SEC14L5: variants seen among roughly 807,000 people sequenced by gnomAD.
The protein encoded by SEC14L5 is SEC14 like lipid binding 5.
Under a neutral mutation model 84.6 loss-of-function variants are expected in SEC14L5, and 96 were observed. The ratio of observed to expected loss-of-function variants is 1.13; its 90% confidence interval spans 0.96 to 1.34. SEC14L5 has a LOEUF of 1.34. Among genes scored for constraint, SEC14L5 ranks in the 40% most tolerant of loss-of-function variants. SEC14L5 has a pLI of 0.00. For synonymous variants in SEC14L5, 546 were observed against 383.4 expected (o/e 1.42, Z -4.95); for missense variants, 1,224 against 942.5 (o/e 1.30, Z -3.91).
At chr16:4,959,110 T>C (rs1294823186) in intron 1 of SEC14L5, 163 bp from the exon 2 acceptor site, 1 of 590,930 alleles carries the variant, frequency 1.7e-6, no homozygotes, top group African/African-American at 1.9e-5. Context: ...AGGGAAGCTG[T>C]TGGGGCTTGG....
chr16:4,968,406 C>T (rs1161065079), intron 2 of SEC14L5, among the ~76,000 whole-genome samples: 3 of 152,138 alleles, frequency 2.0e-5, no homozygotes, highest in South Asian at 2.1e-4. Flanking sequence ...CTCGAACTCC[C>T]GACCTCAGGT....
intron 2 of SEC14L5, among the ~76,000 whole-genome samples, chr16:4,970,208 A>G (rs139645919): frequency 4.3e-4 from 66 of 152,238 alleles, no homozygotes; most frequent in African/African-American, 1.5e-3. Context: ...AGAACCATTC[A>G]TCATGGGGAA....
chr16:4,988,138 T>C lies in SEC14L5; in HGVS notation c.214-11T>C. 4.4e-6 allele frequency: 5 copies of C among 1,142,328 alleles called. No homozygotes were observed. Among genetic ancestry groups the C allele is most frequent in the African/African-American group, 3.2e-5 (2 of 62,952 alleles). 70.8% of individuals were successfully genotyped at this position (1,142,328 alleles called of 1,614,324 possible). On this transcript the variant is annotated splice_polypyrimidine_tract_variant and intron_variant, in intron 3 of 15. Transcript: ENST00000251170. ...CCACCCACCTCCGCCTCCCCGCCCC[T>C]TCCCTTGCAGATCGCAGGTGTTGAG...
chr16:4,967,527 C>G (rs1438775149), intron 2 of SEC14L5, among the ~76,000 whole-genome samples: 1 of 143,682 alleles, frequency 7.0e-6, no homozygotes, highest in African/African-American at 2.6e-5. Context: ...CACAGCCAGA[C>G]TTTCCGGATT....
At chr16:5,004,586 G>A (rs879258701) in intron 11 of SEC14L5, among the ~76,000 whole-genome samples, 3 of 152,088 alleles carry the variant, frequency 2.0e-5, no homozygotes, top group East Asian at 1.9e-4. Context: ...GGACAGGGGT[G>A]GGGGCAGGGA....
chr16:4,972,190 TA>T (rs1955288064), intron 2 of SEC14L5, among the ~76,000 whole-genome samples: 1 of 152,066 alleles, frequency 6.6e-6, no homozygotes, highest in South Asian at 2.1e-4. Context: ...TTTGTGGAGA[TA>T]GGGGTTTTGC....
chr16:5,011,131 C>T lies in SEC14L5; in HGVS notation c.1837C>T (p.Leu613Phe), dbSNP rs1164964682. ...GACCCGGTGGCCCGGCGTCTACCTGCTCCAGTGGCAAATGCACAGCCCCCC... is the reference window on the plus strand; with the variant it reads ...GACCCGGTGGCCCGGCGTCTACCTGTTCCAGTGGCAAATGCACAGCCCCCC... ...HVTRWPGVYL[L>F]QWQMHSPPSS... is the part of the protein sequence containing the mutation. Residue 613 changes from leucine to phenylalanine, a missense_variant, in exon 15 of 16, where the codon CTC (leucine) becomes TTC (phenylalanine). Physicochemically the swap from Leu to Phe is conservative, Grantham distance 22. Coordinates refer to ENST00000251170, the MANE Select transcript of SEC14L5 (RefSeq NM_014692.2). 1.9e-6 allele frequency: 3 copies of T among 1,610,872 alleles called. No individual in the cohort carries two copies. Among genetic ancestry groups the T allele is most frequent in the Non-Finnish European group, 2.5e-6 (3 of 1,178,710 alleles).
At chr16:4,976,587 G>C (rs1955343317) in intron 2 of SEC14L5, among the ~76,000 whole-genome samples, 7 of 152,216 alleles carry the variant, frequency 4.6e-5, no homozygotes, top group Admixed American at 2.6e-4. Context: ...TGGGAATTCA[G>C]GGCTATTTAG....
chr16:4,986,194 C>T (rs548470148), intron 2 of SEC14L5, among the ~76,000 whole-genome samples: 43 of 151,360 alleles, frequency 2.8e-4, no homozygotes, highest in Non-Finnish European at 5.0e-4. Flanking sequence ...GACTGGAGTG[C>T]AATGGTGTGA....
chr16:4,964,888 G>A (rs1011543940), intron 2 of SEC14L5, among the ~76,000 whole-genome samples: 3 of 151,886 alleles, frequency 2.0e-5, no homozygotes, highest in African/African-American at 7.3e-5. Context: ...GCACCACCAC[G>A]CCCGGCTAAT....
intron 2 of SEC14L5, among the ~76,000 whole-genome samples, chr16:4,980,222 C>G (rs951983258): frequency 2.6e-5 from 4 of 152,248 alleles, no homozygotes; most frequent in Admixed American, 6.5e-5. Context: ...GTCCAACAAT[C>G]GTGAAAGTCC....
At chr16:4,978,622 A>G (rs1284596402) in intron 2 of SEC14L5, among the ~76,000 whole-genome samples, 1 of 151,000 alleles carries the variant, frequency 6.6e-6, no homozygotes, top group African/African-American at 2.4e-5. Context: ...TTTATTTTTG[A>G]GATGGAGTCT....
At chr16:5,013,127 C>G (rs1026620023) in intron 15 of SEC14L5, among the ~76,000 whole-genome samples, 1 of 152,110 alleles carries the variant, frequency 6.6e-6, no homozygotes. Flanking sequence ...AAACTGCCCC[C>G]ATGATCCAAT....
In SEC14L5 at chr16:5,014,819, A is replaced by G. The variant is rs746972730; in HGVS notation, c.1980-40A>G. ...TGTGTGTCAGCCCAAGGGCCTTGTC[A>G]CTGTGAGAGGGTAACGTGTGCCACG... On this transcript the variant is annotated intron_variant, in intron 15 of 15. Coordinates refer to ENST00000251170, the MANE Select transcript of SEC14L5 (RefSeq NM_014692.2). The G allele has an allele frequency of 2.7e-6, 4 of 1,506,806 alleles. No homozygotes were observed. In the South Asian group the frequency reaches 4.5e-5, roughly 17 times the overall value. 93.3% of individuals were successfully genotyped at this position (1,506,806 alleles called of 1,614,324 possible). A position where few individuals can be genotyped will look rare whatever the true frequency, so the allele number is the denominator to read the frequency against.
chr16:4,988,055 G>C (rs900883525), intron 3 of SEC14L5, 94 bp from the exon 4 acceptor site: 1 of 1,369,158 alleles, frequency 7.3e-7, no homozygotes, highest in Non-Finnish European at 1.0e-6. Context: ...CTCAGGGCAG[G>C]GGGTGACTGG....
In SEC14L5 at chr16:5,005,984, C is replaced by T. The variant is rs1955727395; in HGVS notation, c.1373C>T (p.Pro458Leu). 6.2e-7 allele frequency: 1 copy of T among 1,613,688 alleles called. No individual in the cohort carries two copies. The highest frequency in any genetic ancestry group is 8.5e-7 in the Non-Finnish European group (1 of 1,179,764). The change falls in exon 12 of 16, where the codon CCC (proline) becomes CTC (leucine). Residue 458 changes from proline to leucine, a missense_variant. Physicochemically the swap from Pro to Leu is moderately conservative, Grantham distance 98. Transcript: ENST00000251170. ...TACAGTGGCAGCAACTACCAGGGAC[C>T]CGGAGGCCTTGTGGACTATCTGGAT... ...LIYSGSNYQG[P>L]GGLVDYLDRE... is the part of the protein sequence containing the mutation.
rs1376039725 is a variant in SEC14L5 at position 5,000,862 on chromosome 16, C to T, written c.1067C>T (p.Ser356Phe). The change falls in exon 10 of 16, where the codon TCC becomes TTC. Residue 356 changes from serine to phenylalanine, a missense_variant. Physicochemically the swap from Ser to Phe is radical, Grantham distance 155. Coordinates refer to ENST00000251170, the MANE Select transcript of SEC14L5 (RefSeq NM_014692.2). ...ACTGTCTCTCCCTTCCAGGTTCTCT[C>T]CGTCAACGAGGAAGGACAGAAGCGG... ...GEEALLRHVLSVNEEGQKRCE... is the reference protein window; with the variant it reads ...GEEALLRHVLFVNEEGQKRCE... The T allele has an allele frequency of 6.9e-6, 11 of 1,605,082 alleles. No individual in the cohort carries two copies. Among genetic ancestry groups the T allele is most frequent in the Admixed American group, 1.7e-5 (1 of 58,536 alleles).
chr16:4,998,229 A>C (rs188502034), intron 8 of SEC14L5, among the ~76,000 whole-genome samples: 1,509 of 150,370 alleles, frequency 0.01, 26 homozygotes, highest in African/African-American at 0.035. Context: ...TGTTCTTGGA[A>C]CTCCTGACCT....
intron 15 of SEC14L5, among the ~76,000 whole-genome samples, chr16:5,012,873 C>T (rs558417197): frequency 2.0e-5 from 3 of 147,720 alleles, no homozygotes; most frequent in Admixed American, 6.9e-5. Context: ...TCAGCCTTGG[C>T]GACAGAGCGA....
Sources: gnomAD v4.1 joint callset for allele counts (sites outside exome capture counted in the v4.1 genomes callset) on GRCh38, gnomAD v4.1.1 for gene constraint, MANE v1.5 for transcripts, NCBI Gene and HGNC (gene_info 2026-07-23, HGNC 2026-07-21) for gene names.